GNAI1: variants seen among roughly 807,000 people sequenced by gnomAD.
The protein encoded by GNAI1 is guanine nucleotide-binding protein G(i) subunit alpha-1.
GNAI1 carries 11 observed loss-of-function variants against 38.9 expected under a neutral mutation model. The observed-to-expected ratio is 0.28, with a 90% CI of 0.18 to 0.47. GNAI1 has a LOEUF of 0.47. GNAI1 is among the 20% of genes least tolerant of loss of function. The pLI, the probability that GNAI1 is intolerant of heterozygous loss-of-function variation, is 0.99. For synonymous variants in GNAI1, 166 were observed against 145.1 expected, an observed-to-expected ratio of 1.14 and a Z score of -1.04; for missense variants, 317 against 436.9, an observed-to-expected ratio of 0.73 and a Z score of 2.45.
In GNAI1 at chr7:80,218,752, G is replaced by T. The variant is rs1033784200; in HGVS notation, c.*1259G>T. On this transcript the variant is annotated 3_prime_UTR_variant, in exon 8 of 8. Coordinates refer to ENST00000649796, the MANE Select transcript of GNAI1 (RefSeq NM_002069.6). ...TATTATTTCTGAGAATGAAATGGAC[G>T]ATTACACTTAGAAAATGAGTAATAG... 1 of 151,908 alleles carries T rather than the reference G, an allele frequency of 6.6e-6. No homozygotes were observed. The allele number at this position is 151,908 out of a possible 1,614,324, so 9.4% of individuals were successfully genotyped here. A position where few individuals can be genotyped will look rare whatever the true frequency, so the allele number is the denominator to read the frequency against.
intron 6 of GNAI1, among the ~76,000 whole-genome samples, chr7:80,212,083 C>A (rs925272847): frequency 1.3e-5 from 2 of 152,006 alleles, no homozygotes; most frequent in Non-Finnish European, 1.5e-5. Flanking sequence ...TTGTACTAAT[C>A]CCCCTGAGTA....
At chr7:80,155,109 G>A (rs1787795844) in intron 1 of GNAI1, among the ~76,000 whole-genome samples, 1 of 152,080 alleles carries the variant, frequency 6.6e-6, no homozygotes, top group Admixed American at 6.5e-5. Context: ...TAACTGAAGT[G>A]ATTTTTCAAG....
Position 80,219,119 on chromosome 7 carries a change from A to G in GNAI1, c.*1626A>G, listed in dbSNP as rs1462495068. The G allele has an allele frequency of 1.3e-5, 2 of 152,074 alleles. No individual in the cohort carries two copies. Among genetic ancestry groups the G allele is most frequent in the Admixed American group, 6.6e-5 (1 of 15,180 alleles). The allele number at this position is 152,074 out of a possible 1,614,324, so 9.4% of individuals were successfully genotyped here. ...GAGGATTTTCTTCTTTGTAATGTAA[A>G]GAAATTCAAAGTTATCAAAGTTCCT... On this transcript the variant is annotated 3_prime_UTR_variant, in exon 8 of 8. Coordinates refer to ENST00000649796, the MANE Select transcript of GNAI1 (RefSeq NM_002069.6).
Position 80,177,024 on chromosome 7 carries a change from CTTTTTTTTTTTTT to C in GNAI1, c.119-11915_119-11903del, listed in dbSNP as rs569135086. The stretch of plus-strand genomic sequence containing the variant: ...AACAAAAGCATGGATGACAGCATAT[CTTTTTTTTTTTTT>C]TTTTTTTTTTTGAGATGGAGTTTTG... On this transcript the variant is annotated intron_variant, in intron 1 of 7. Coordinates refer to ENST00000649796, the MANE Select transcript of GNAI1 (RefSeq NM_002069.6). 4.9e-5 allele frequency among the ~76,000 whole-genome samples: 3 copies of C among 61,212 alleles called. No homozygotes were observed. In the East Asian group the frequency reaches 1.5e-3, roughly 31 times the overall value. The allele number at this position is 61,212 out of a possible 152,430, so 40.2% of individuals were successfully genotyped here.
chr7:80,155,358 C>T (rs79283418), intron 1 of GNAI1, among the ~76,000 whole-genome samples: 2,950 of 152,126 alleles, frequency 0.019, 82 homozygotes, highest in African/African-American at 0.067. Context: ...TCAGTAATAT[C>T]GAATTCTGTA....
At chr7:80,186,947 G>A (rs1788395638) in intron 1 of GNAI1, 1 of 152,142 alleles carries the variant, frequency 6.6e-6, no homozygotes, top group African/African-American at 2.4e-5. Flanking sequence ...TAAATAATGG[G>A]TTGTTTATCT....
At chr7:80,177,850 G>C (rs184118980) in intron 1 of GNAI1, among the ~76,000 whole-genome samples, 25 of 152,280 alleles carry the variant, frequency 1.6e-4, no homozygotes, top group African/African-American at 5.8e-4. Context: ...ACTTTCATGT[G>C]TTATTATGTG....
chr7:80,148,256 A>G (rs1787662611), intron 1 of GNAI1, among the ~76,000 whole-genome samples: 1 of 152,168 alleles, frequency 6.6e-6, no homozygotes, highest in South Asian at 2.1e-4. Flanking sequence ...TGATGCTTGG[A>G]ATTTTAGAAC....
chr7:80,157,970 A>G lies in GNAI1; in HGVS notation c.118+22692A>G, dbSNP rs550442832. 3.9e-5 allele frequency among the ~76,000 whole-genome samples: 6 copies of G among 152,224 alleles called. No homozygotes were observed. In the South Asian group the frequency reaches 1.2e-3, roughly 32 times the overall value. ...GTGATTCATCCACTTTGGCCTCCCAAAGTGCTGGGATTACAGGCATAAGCC... is the reference window on the plus strand; with the variant it reads ...GTGATTCATCCACTTTGGCCTCCCAGAGTGCTGGGATTACAGGCATAAGCC... On this transcript the variant is annotated intron_variant, in intron 1 of 7. Coordinates refer to ENST00000649796, the MANE Select transcript of GNAI1 (RefSeq NM_002069.6).
chr7:80,135,617 G>A (rs1338646756), intron 1 of GNAI1: 1 of 245,976 alleles, frequency 4.1e-6, no homozygotes, highest in East Asian at 8.3e-5. Context: ...TTGTAAAGAT[G>A]AAGGGGCATT....
At chr7:80,176,497 A>T (rs971813341) in intron 1 of GNAI1, among the ~76,000 whole-genome samples, 1 of 152,234 alleles carries the variant, frequency 6.6e-6, no homozygotes, top group Non-Finnish European at 1.5e-5. Context: ...CATCTAGGAC[A>T]TTCATAGCTA....
At chr7:80,210,060 A>G (rs1788846602) in intron 5 of GNAI1, among the ~76,000 whole-genome samples, 1 of 152,186 alleles carries the variant, frequency 6.6e-6, no homozygotes, top group African/African-American at 2.4e-5. Context: ...AATAGGGACT[A>G]TTTTAATTAG....
At chr7:80,156,486 C>T (rs1000816710) in intron 1 of GNAI1, among the ~76,000 whole-genome samples, 10 of 151,462 alleles carry the variant, frequency 6.6e-5, no homozygotes, top group Admixed American at 1.3e-4. Context: ...TGGAGTGCAG[C>T]GGTGCAACCA....
chr7:80,197,247 A>G (rs1424906826), intron 3 of GNAI1, among the ~76,000 whole-genome samples: 1 of 151,698 alleles, frequency 6.6e-6, no homozygotes, highest in Non-Finnish European at 1.5e-5. Flanking sequence ...CACAGAAAGA[A>G]AAATAAAACA....
rs141669219 is a variant in GNAI1 at position 80,199,125 on chromosome 7, C to T, written c.304-100C>T. The T allele has an allele frequency of 1.9e-3, 1,577 of 813,086 alleles. 44 individuals are homozygous for T. In the Admixed American group the frequency reaches 0.038, roughly 20 times the overall value. 50.4% of individuals were successfully genotyped at this position (813,086 alleles called of 1,614,324 possible). The stretch of plus-strand genomic sequence containing the variant: ...CGTGTTAATAAAAACAAAGGAAGTT[C>T]GCTATTGCCTTTTTTTTTTTAACTC... On this transcript the variant is annotated intron_variant, in intron 3 of 7. Transcript: ENST00000649796.
At chr7:80,187,964 C>A (rs1788417086) in intron 1 of GNAI1, among the ~76,000 whole-genome samples, 2 of 152,134 alleles carry the variant, frequency 1.3e-5, no homozygotes. Flanking sequence ...GTTAGGGTAG[C>A]ATAGCACTAG....
chr7:80,199,269 A>C lies in GNAI1; in HGVS notation c.348A>C (p.Glu116Asp), dbSNP rs774459209. The change falls in exon 4 of 8, where the codon GAA (glutamate) becomes GAC (aspartate). Residue 116 changes from glutamate (E) to aspartate (D), a missense_variant. Glu to Asp is a conservative substitution (Grantham distance 45). This residue lies in a region of GNAI1 where 67 missense variants were observed against 61.5 expected (regional missense o/e 1.09). Coordinates refer to ENST00000649796, the MANE Select transcript of GNAI1 (RefSeq NM_002069.6). ...TTGTGCTAGCTGGAGCTGCTGAAGA[A>C]GGCTTTATGACTGCAGAACTTGCTG... ...QLFVLAGAAEEGFMTAELAGV... is the reference protein window; with the variant it reads ...QLFVLAGAAEDGFMTAELAGV... 1.2e-6 allele frequency: 2 copies of C among 1,613,320 alleles called. No individual in the cohort carries two copies. The highest frequency in any genetic ancestry group is 1.7e-6 in the Non-Finnish European group (2 of 1,179,480).
chr7:80,217,230 G>GAAACTGACTTCAGTTTCATATGTATT (rs1562846623), intron 7 of GNAI1, 73 bp from the exon 8 acceptor site: 4 of 1,015,006 alleles, frequency 3.9e-6, no homozygotes, highest in African/African-American at 3.3e-5. Context: ...TCATATGTAT[G>GAAACTGACTTCAGTTTCATATGTATT]AAACTGAATT....
chr7:80,161,405 G>GTTA (rs1287603397), intron 1 of GNAI1, among the ~76,000 whole-genome samples: 1 of 152,148 alleles, frequency 6.6e-6, no homozygotes, highest in African/African-American at 2.4e-5. Flanking sequence ...CATTTTAGGA[G>GTTA]TTAATTGAGT....
Sources: gnomAD v4.1 joint callset for allele counts (sites outside exome capture counted in the v4.1 genomes callset) on GRCh38, gnomAD v4.1.1 for gene constraint, gnomAD v4.1.1 regional missense constraint, MANE v1.5 for transcripts, NCBI Gene and HGNC (gene_info 2026-07-23, HGNC 2026-07-21) for gene names.